Variants in TMEM178B observed in about 807,000 individuals in gnomAD.
TMEM178B encodes transmembrane protein 178B.
TMEM178B carries 5 observed loss-of-function variants against 31.0 expected under a neutral mutation model. The ratio of observed to expected loss-of-function variants is 0.16; its 90% CI spans 0.08 to 0.34. The LOEUF is 0.34. Among genes scored for constraint, TMEM178B ranks in the 10% least tolerant of loss-of-function variants. The pLI is 1.00. For missense variants in TMEM178B, 275 were observed against 400.3 expected (o/e 0.69, Z 2.67); for synonymous variants, 164 against 164.0 (o/e 1.00, Z 0.00).
At chr7:141,325,271 T>C (rs1055414042) in intron 2 of TMEM178B, among the ~76,000 whole-genome samples, 7 of 152,170 alleles carry the variant, frequency 4.6e-5, no homozygotes, top group African/African-American at 1.4e-4. Context: ...GCAAAATGCC[T>C]GAGAGAACTC....
chr7:141,372,070 C>A (rs187471079), intron 2 of TMEM178B, among the ~76,000 whole-genome samples: 209 of 152,234 alleles, frequency 1.4e-3, no homozygotes, highest in Non-Finnish European at 1.1e-3. Context: ...CAGAGAGTTG[C>A]CTTCTCCTCA....
At chr7:141,085,998 G>T (rs1794781919) in intron 1 of TMEM178B, among the ~76,000 whole-genome samples, 1 of 152,090 alleles carries the variant, frequency 6.6e-6, no homozygotes, top group Non-Finnish European at 1.5e-5. Context: ...TCATACAATA[G>T]AAATGATCAT....
intron 3 of TMEM178B, among the ~76,000 whole-genome samples, chr7:141,468,906 C>T (rs1024615322): frequency 2.0e-5 from 3 of 152,252 alleles, no homozygotes; most frequent in South Asian, 4.2e-4. Context: ...TTGGTTGAAC[C>T]GGGTGTGACA....
chr7:141,184,166 C>T (rs1006646539), intron 1 of TMEM178B, among the ~76,000 whole-genome samples: 7 of 152,144 alleles, frequency 4.6e-5, no homozygotes, highest in African/African-American at 1.7e-4. Flanking sequence ...AATATCAGGG[C>T]CTAGTAATCT....
the TMEM178B span, among the ~76,000 whole-genome samples, chr7:141,510,110 C>T: frequency 1.9e-3 from 288 of 152,268 alleles, 1 homozygote; most frequent in Non-Finnish European, 2.7e-3. Flanking sequence ...CCAGCTGGGA[C>T]TTGGCAACAG....
At chr7:141,176,130 C>T (rs1796429736) in intron 1 of TMEM178B, among the ~76,000 whole-genome samples, 1 of 152,140 alleles carries the variant, frequency 6.6e-6, no homozygotes, top group African/African-American at 2.4e-5. Flanking sequence ...GAGATATGTT[C>T]CATCAATGCC....
intron 2 of TMEM178B, among the ~76,000 whole-genome samples, chr7:141,265,420 A>G (rs114781245): frequency 0.024 from 3,645 of 152,112 alleles, 97 homozygotes; most frequent in African/African-American, 0.063. Context: ...ATGCCTGTTC[A>G]TCTACACCAG....
At chr7:141,389,036 T>C (rs1279664512) in intron 2 of TMEM178B, among the ~76,000 whole-genome samples, 1 of 152,196 alleles carries the variant, frequency 6.6e-6, no homozygotes, top group Non-Finnish European at 1.5e-5. Context: ...CCGAGTCTAG[T>C]ATAGTGTCAC....
At chr7:141,359,624 T>G (rs1246794624) in intron 2 of TMEM178B, among the ~76,000 whole-genome samples, 3 of 152,030 alleles carry the variant, frequency 2.0e-5, no homozygotes, top group African/African-American at 7.3e-5. Flanking sequence ...CATCTTGGAG[T>G]TCTTGTGAAT....
intron 1 of TMEM178B, among the ~76,000 whole-genome samples, chr7:141,205,699 C>T (rs770917807): frequency 2.6e-5 from 4 of 152,212 alleles, no homozygotes; most frequent in Non-Finnish European, 5.9e-5. Context: ...GAACTTAGGT[C>T]CCAGCACTGC....
In TMEM178B at chr7:141,344,583, CCTT is replaced by C. The variant is rs1563157431; in HGVS notation, c.497-93023_497-93021del. The stretch of plus-strand genomic sequence containing the variant: ...TCCATTCCTCCCTCCTCCCTTCCTT[CCTT>C]CCTTCCTTCCTTCCTTCCTTCCTTC... On this transcript the variant is annotated intron_variant, in intron 2 of 3. Transcript: ENST00000565468. This position sits in a 1 kb window ranked among gnomAD's most constrained non-coding sequence, Gnocchi z 4.1. Among the ~76,000 whole-genome samples the C allele has an allele frequency of 1.5e-4, 13 of 84,588 alleles. No individual in the cohort carries two copies. Among genetic ancestry groups the C allele is most frequent in the South Asian group, 3.8e-4 (1 of 2,622 alleles). 55.5% of individuals were successfully genotyped at this position (84,588 alleles called of 152,430 possible).
At chr7:141,488,777 A>T in the TMEM178B span, among the ~76,000 whole-genome samples, 1 of 152,184 alleles carries the variant, frequency 6.6e-6, no homozygotes, top group Non-Finnish European at 1.5e-5. Flanking sequence ...TCTGATACTG[A>T]AGACTTTTCT....
chr7:141,269,907 A>C (rs1481206063), intron 2 of TMEM178B, among the ~76,000 whole-genome samples: 1 of 152,154 alleles, frequency 6.6e-6, no homozygotes, highest in Non-Finnish European at 1.5e-5. Context: ...TCTACTAAAA[A>C]TACAAAAATT....
intron 2 of TMEM178B, among the ~76,000 whole-genome samples, chr7:141,223,393 C>G (rs1170938433): frequency 6.6e-6 from 1 of 151,724 alleles, no homozygotes; most frequent in African/African-American, 2.4e-5. Context: ...GTTTGGGGTG[C>G]ATGGAAGGGC....
At chr7:141,110,392 A>AT (rs1795214599) in intron 1 of TMEM178B, among the ~76,000 whole-genome samples, 1 of 152,344 alleles carries the variant, frequency 6.6e-6, no homozygotes, top group East Asian at 1.9e-4. Context: ...GAACACACAA[A>AT]TATTGATTCA....
intron 1 of TMEM178B, among the ~76,000 whole-genome samples, chr7:141,143,888 T>C (rs1249003107): frequency 6.6e-6 from 1 of 152,226 alleles, no homozygotes. Context: ...ACCTATGATT[T>C]ATTTCAGCAG....
At chr7:141,326,816 G>A (rs1187131249) in intron 2 of TMEM178B, among the ~76,000 whole-genome samples, 1 of 152,140 alleles carries the variant, frequency 6.6e-6, no homozygotes, top group Non-Finnish European at 1.5e-5. Context: ...AGCACCTTCT[G>A]CAACAATGCA....
intron 2 of TMEM178B, among the ~76,000 whole-genome samples, chr7:141,262,828 C>G (rs1798035949): frequency 6.6e-6 from 1 of 152,092 alleles, no homozygotes; most frequent in South Asian, 2.1e-4. Flanking sequence ...CATTTTTACT[C>G]CGTATTCTTG....
chr7:141,116,520 T>C (rs895318657), intron 1 of TMEM178B, among the ~76,000 whole-genome samples: 1 of 148,836 alleles, frequency 6.7e-6, no homozygotes, highest in African/African-American at 2.5e-5. Context: ...CTTGGAGACT[T>C]TTTTTTTTTT....
Sources: allele counts gnomAD v4.1 joint callset (sites outside exome capture counted in the v4.1 genomes callset), GRCh38; gene constraint gnomAD v4.1.1; non-coding constraint Gnocchi (gnomAD v3.1); transcripts MANE v1.5; gene names NCBI Gene and HGNC (gene_info 2026-07-23, HGNC 2026-07-21).